The following EYA4 variants were observed in gnomAD, a reference collection of about 807,000 sequenced individuals.
EYA4 encodes the protein EYA transcriptional coactivator and phosphatase 4.
EYA4 carries 31 observed loss-of-function variants against 87.9 expected under a neutral mutation model. The ratio of observed to expected loss-of-function variants is 0.35; its 90% confidence interval spans 0.27 to 0.48. EYA4 has a LOEUF of 0.48. EYA4 is among the 20% of genes least tolerant of loss of function. The pLI is 0.99. For synonymous variants in EYA4, 263 were observed against 270.6 expected, an observed-to-expected ratio of 0.97 and a Z score of 0.28; for missense variants, 678 against 761.4, an observed-to-expected ratio of 0.89 and a Z score of 1.29.
intron 3 of EYA4, among the ~76,000 whole-genome samples, chr6:133,416,657 C>T (rs191510835): frequency 7.2e-5 from 11 of 152,290 alleles, no homozygotes; most frequent in Admixed American, 7.2e-4. Context: ...AAGAGCAAAA[C>T]TGCACATGCA....
rs13362743 is a variant in EYA4 at position 133,464,874 on chromosome 6, G to C, written c.804+16G>C. 1 of 1,562,568 alleles carries C rather than the reference G, an allele frequency of 6.4e-7. No individual in the cohort carries two copies. Among genetic ancestry groups the C allele is most frequent in the Non-Finnish European group, 8.8e-7 (1 of 1,134,496 alleles). On this transcript the variant is annotated intron_variant, in intron 10 of 19. Transcript: ENST00000355286. ...TTCACAACAGGTATAGTAGCTTTTT[G>C]TGTTTATGCTTTTTATATGTATTTC... is the stretch of plus-strand genomic sequence containing the variant.
chr6:133,371,707 T>C (rs376999893), intron 2 of EYA4, among the ~76,000 whole-genome samples: 8 of 152,274 alleles, frequency 5.3e-5, no homozygotes, highest in African/African-American at 1.9e-4. Flanking sequence ...TAGAGGGAGA[T>C]GGTTGTGTGA....
chr6:133,411,526 CAT>C (rs1467078361), intron 3 of EYA4, among the ~76,000 whole-genome samples: 2 of 151,858 alleles, frequency 1.3e-5, no homozygotes, highest in African/African-American at 4.8e-5. Flanking sequence ...TTTAATTTTC[CAT>C]ATATGTGTGT....
At chr6:133,377,469 G>A (rs1785790089) in intron 2 of EYA4, among the ~76,000 whole-genome samples, 1 of 151,388 alleles carries the variant, frequency 6.6e-6, no homozygotes, top group East Asian at 1.9e-4. Flanking sequence ...ACACTGCCTC[G>A]GATATCTCAG....
chr6:133,307,052 A>T (rs536053538), intron 2 of EYA4, among the ~76,000 whole-genome samples: 1 of 152,188 alleles, frequency 6.6e-6, no homozygotes, highest in Non-Finnish European at 1.5e-5. Context: ...ATATAAACCC[A>T]CAATAGTTTG....
intron 19 of EYA4, among the ~76,000 whole-genome samples, chr6:133,527,385 A>C (rs2128823137): frequency 6.6e-6 from 1 of 152,266 alleles, no homozygotes; most frequent in African/African-American, 2.4e-5. Context: ...AGGAATAGGA[A>C]TGTCTAGCTG....
intron 14 of EYA4, among the ~76,000 whole-genome samples, chr6:133,512,332 C>G (rs1799225096): frequency 6.6e-6 from 1 of 152,128 alleles, no homozygotes; most frequent in South Asian, 2.1e-4. Context: ...CTGAGGTGTT[C>G]AGACTAAGTT....
At chr6:133,252,942 AACACACACACACACACAC>A (rs3836960) in intron 1 of EYA4, among the ~76,000 whole-genome samples, 65 of 138,766 alleles carry the variant, frequency 4.7e-4, no homozygotes, top group African/African-American at 1.2e-3. Flanking sequence ...GGTACTTGAA[AACACACACACACACACAC>A]ACACACACAC....
chr6:133,495,245 G>A (rs1434976429), intron 13 of EYA4, among the ~76,000 whole-genome samples: 1 of 151,684 alleles, frequency 6.6e-6, no homozygotes, highest in African/African-American at 2.4e-5. Context: ...TTCCAGCCTG[G>A]GCAACAGAGT....
At chr6:133,424,322 G>A (rs577631921) in intron 3 of EYA4, among the ~76,000 whole-genome samples, 145 of 152,268 alleles carry the variant, frequency 9.5e-4, no homozygotes, top group Admixed American at 2.6e-3. Context: ...CAGGACTGGC[G>A]TCCCAGCCCC....
chr6:133,500,510 A>G (rs915170925), intron 13 of EYA4, among the ~76,000 whole-genome samples: 1 of 152,050 alleles, frequency 6.6e-6, no homozygotes, highest in Non-Finnish European at 1.5e-5. Context: ...AACTCTTCCT[A>G]TTGGAGGTTT....
At chr6:133,353,822 C>T (rs1303426849) in intron 2 of EYA4, among the ~76,000 whole-genome samples, 1 of 152,124 alleles carries the variant, frequency 6.6e-6, no homozygotes, top group Non-Finnish European at 1.5e-5. Flanking sequence ...GTAGTTTTAA[C>T]TTCTATTAAA....
chr6:133,511,948 TCCAA>T (rs1372403793), intron 14 of EYA4, among the ~76,000 whole-genome samples: 3 of 150,926 alleles, frequency 2.0e-5, no homozygotes, highest in Admixed American at 2.0e-4. Context: ...GCCACTGCAC[TCCAA>T]CCTGGGCGAC....
chr6:133,333,582 A>G (rs1020116562), intron 2 of EYA4, among the ~76,000 whole-genome samples: 1 of 152,182 alleles, frequency 6.6e-6, no homozygotes, highest in Non-Finnish European at 1.5e-5. Context: ...TCTTGAAGAA[A>G]TTGAATATTT....
intron 3 of EYA4, among the ~76,000 whole-genome samples, chr6:133,425,817 G>A (rs1790621228): frequency 6.6e-6 from 1 of 150,514 alleles, no homozygotes; most frequent in Non-Finnish European, 1.5e-5. Flanking sequence ...GTGTAATTTT[G>A]ACCATGCTGC....
chr6:133,513,582 T>TTA (rs1246411060), intron 16 of EYA4, among the ~76,000 whole-genome samples: 6 of 152,320 alleles, frequency 3.9e-5, no homozygotes, highest in African/African-American at 1.2e-4. Flanking sequence ...TTATCATAGT[T>TTA]TTTAAAAGTT....
chr6:133,300,946 C>T lies in EYA4; in HGVS notation c.33+26133C>T, dbSNP rs1779355987. 4.6e-5 allele frequency among the ~76,000 whole-genome samples: 7 copies of T among 152,146 alleles called. 1 individual carries two copies. The highest frequency in any genetic ancestry group is 4.6e-4 in the Admixed American group (7 of 15,268). On this transcript the variant is annotated intron_variant, in intron 2 of 19. Coordinates refer to ENST00000355286, the MANE Select transcript of EYA4 (RefSeq NM_004100.5). ...TGTATTCTATGTGTCCAGTTATTTT[C>T]CCAGTCCTTATGAAATTAAAAGCAA...
At chr6:133,250,945 T>G (rs1422757384) in intron 1 of EYA4, among the ~76,000 whole-genome samples, 2 of 152,142 alleles carry the variant, frequency 1.3e-5, no homozygotes, top group South Asian at 2.1e-4. Flanking sequence ...AGGTCTTTTT[T>G]GGGGGGCTAT....
intron 3 of EYA4, among the ~76,000 whole-genome samples, chr6:133,411,862 A>G (rs1789269944): frequency 6.6e-6 from 1 of 152,222 alleles, no homozygotes. Context: ...ATGCAATTTC[A>G]GGTCAAAGGT....
Sources: gnomAD v4.1 joint callset for allele counts (sites outside exome capture counted in the v4.1 genomes callset) on GRCh38, gnomAD v4.1.1 for gene constraint, MANE v1.5 for transcripts, NCBI Gene and HGNC (gene_info 2026-07-23, HGNC 2026-07-21) for gene names.